Variants in ADAMTS17 observed in about 807,000 individuals in gnomAD.
ADAMTS17 encodes A disintegrin and metalloproteinase with thrombospondin motifs 17.
A neutral mutation model predicts 141.5 loss-of-function variants in ADAMTS17; 113 were observed. The observed-to-expected ratio is 0.80, with a 90% CI of 0.69 to 0.93. ADAMTS17 has a LOEUF of 0.93. Among genes scored for constraint, ADAMTS17 ranks in the 40% least tolerant of loss-of-function variants. The pLI is 0.00. For synonymous variants in ADAMTS17, 768 were observed against 630.6 expected (o/e 1.22, Z -3.27); for missense variants, 1,659 against 1,517.9 (o/e 1.09, Z -1.54).
rs539385904 is a variant in ADAMTS17, at chr15:100,018,385, C to A, written c.2592-20796G>T. On this transcript the variant is annotated intron_variant, in intron 18 of 21. Transcript: ENST00000268070. ...GATATGGGTTGGCTCTGGGCCCTCA[C>A]CCAAACCTCATGCTAAATTGTAATT... 2.0e-5 allele frequency among the ~76,000 whole-genome samples: 3 copies of A among 152,316 alleles called. No homozygotes were observed. The South Asian group carries it at 6.2e-4, about 32-fold the overall frequency.
chr15:100,295,394 A>C (rs1206457578), intron 3 of ADAMTS17, among the ~76,000 whole-genome samples: 2 of 152,176 alleles, frequency 1.3e-5, no homozygotes. Flanking sequence ...AATGAAAGGC[A>C]GGAGGTGAGG....
At chr15:100,271,995 C>G (rs1263380313) in intron 4 of ADAMTS17, among the ~76,000 whole-genome samples, 1 of 149,888 alleles carries the variant, frequency 6.7e-6, no homozygotes, top group Non-Finnish European at 1.5e-5. Flanking sequence ...TTGAAGGTCT[C>G]GGCATCCTTA....
At position 100,155,447 on chromosome 15, in the gene ADAMTS17, T is replaced by C. The variant is rs115725882; in HGVS notation, c.1182-127A>G. ...AAAAACGGACGTAACGTGAAAGTGG[T>C]TCTCACACAGCAGACCCACAGTCAT... On this transcript the variant is annotated intron_variant, in intron 8 of 21. Transcript: ENST00000268070. 3,311 of 1,312,202 alleles carry C rather than the reference T, an allele frequency of 2.5e-3. 66 individuals are homozygous for C. In the African/African-American group the frequency reaches 0.043, roughly 17 times the overall value. 81.3% of individuals were successfully genotyped at this position (1,312,202 alleles called of 1,614,324 possible).
intron 20 of ADAMTS17, among the ~76,000 whole-genome samples, chr15:99,984,028 T>G (rs2060532820): frequency 6.6e-6 from 1 of 152,048 alleles, no homozygotes; most frequent in East Asian, 1.9e-4. Context: ...CCCTGTGCCG[T>G]CGCTGGGAAA....
chr15:100,227,365 C>G lies in ADAMTS17; in HGVS notation c.1075+26771G>C, dbSNP rs188241245. Among the ~76,000 whole-genome samples the G allele has an allele frequency of 4.5e-3, 686 of 151,986 alleles. 4 individuals carry two copies. The highest frequency in any genetic ancestry group is 0.015 in the African/African-American group (630 of 41,432). ...AGAAATCCTCACTACCCCCTCCAATCCTCCCCATTCCACCTCCAATTCATT... is the reference window on the plus strand; with the variant it reads ...AGAAATCCTCACTACCCCCTCCAATGCTCCCCATTCCACCTCCAATTCATT... On this transcript the variant is annotated intron_variant, in intron 7 of 21. Coordinates refer to ENST00000268070, the MANE Select transcript of ADAMTS17 (RefSeq NM_139057.4).
intron 3 of ADAMTS17, among the ~76,000 whole-genome samples, chr15:100,296,225 T>C (rs189509255): frequency 6.6e-6 from 1 of 152,018 alleles, no homozygotes. Flanking sequence ...TGTTTTCCAA[T>C]GAAATTGCCA....
intron 2 of ADAMTS17, chr15:100,339,069 C>T: frequency 2.0e-6 from 2 of 985,500 alleles, no homozygotes; most frequent in Non-Finnish European, 2.4e-6. Context: ...ACAGAAGTGT[C>T]TGCTCCGGCA....
intron 3 of ADAMTS17, among the ~76,000 whole-genome samples, chr15:100,298,029 C>T (rs373049259): frequency 3.3e-5 from 5 of 151,532 alleles, no homozygotes; most frequent in Admixed American, 6.6e-5. Flanking sequence ...CAGGGAGTCA[C>T]GGTGTGGGGG....
intron 19 of ADAMTS17, among the ~76,000 whole-genome samples, chr15:99,995,005 T>C (rs1305928847): frequency 6.6e-6 from 1 of 152,222 alleles, no homozygotes; most frequent in Non-Finnish European, 1.5e-5. Context: ...AGAGTAGCTG[T>C]GTGTGGAGTG....
intron 8 of ADAMTS17, among the ~76,000 whole-genome samples, chr15:100,175,476 A>G (rs375388859): frequency 2.6e-5 from 4 of 152,182 alleles, no homozygotes; most frequent in Non-Finnish European, 5.9e-5. Context: ...AAGGCCTTCA[A>G]GAGAATCCTA....
At chr15:100,131,240 G>A (rs550478524) in intron 12 of ADAMTS17, among the ~76,000 whole-genome samples, 1 of 151,842 alleles carries the variant, frequency 6.6e-6, no homozygotes, top group South Asian at 2.1e-4. Flanking sequence ...GCAAGGGGAG[G>A]GACAGCATTA....
At chr15:100,064,404 G>C (rs1317863803) in intron 15 of ADAMTS17, among the ~76,000 whole-genome samples, 1 of 152,178 alleles carries the variant, frequency 6.6e-6, no homozygotes, top group African/African-American at 2.4e-5. Flanking sequence ...GGAAACCATA[G>C]CAAAAGAATA....
chr15:100,243,311 C>T (rs560573761), intron 7 of ADAMTS17, among the ~76,000 whole-genome samples: 1 of 152,276 alleles, frequency 6.6e-6, no homozygotes, highest in South Asian at 2.1e-4. Flanking sequence ...ATATCTGAGT[C>T]CCTGCTTTCA....
chr15:100,039,520 A>G (rs114206044), intron 18 of ADAMTS17, among the ~76,000 whole-genome samples: 1 of 152,206 alleles, frequency 6.6e-6, no homozygotes, highest in Non-Finnish European at 1.5e-5. Flanking sequence ...TAGGAAGGGT[A>G]CTGTTTAATT....
At chr15:99,983,839 C>T (rs928996466) in intron 20 of ADAMTS17, among the ~76,000 whole-genome samples, 19 of 152,306 alleles carry the variant, frequency 1.2e-4, no homozygotes, top group African/African-American at 4.6e-4. Flanking sequence ...AAGAGACTGA[C>T]GGAATCCTGA....
intron 18 of ADAMTS17, among the ~76,000 whole-genome samples, chr15:100,043,867 A>G (rs763054734): frequency 6.6e-6 from 1 of 152,274 alleles, no homozygotes; most frequent in Non-Finnish European, 1.5e-5. Flanking sequence ...ACTGTGGTCC[A>G]TCAAGCCAGA....
intron 8 of ADAMTS17, among the ~76,000 whole-genome samples, chr15:100,163,934 C>T (rs924321316): frequency 6.6e-6 from 1 of 152,206 alleles, no homozygotes; most frequent in Admixed American, 6.5e-5. Context: ...ATAGAAGCGG[C>T]CATCATCTCC....
chr15:100,315,647 G>C (rs1013315596), intron 3 of ADAMTS17, among the ~76,000 whole-genome samples: 1 of 152,036 alleles, frequency 6.6e-6, no homozygotes, highest in Non-Finnish European at 1.5e-5. Flanking sequence ...ACCAGCCTAG[G>C]CAACACAATG....
chr15:100,163,152 T>A (rs993080944), intron 8 of ADAMTS17, among the ~76,000 whole-genome samples: 2 of 151,942 alleles, frequency 1.3e-5, no homozygotes, highest in Non-Finnish European at 2.9e-5. Flanking sequence ...TACGTACATA[T>A]ATACACACAT....
Sources: gnomAD v4.1 joint callset for allele counts (sites outside exome capture counted in the v4.1 genomes callset) on GRCh38, gnomAD v4.1.1 for gene constraint, MANE v1.5 for transcripts, NCBI Gene and HGNC (gene_info 2026-07-23, HGNC 2026-07-21) for gene names.